Variants in CEP128 observed in about 807,000 individuals in gnomAD.
CEP128 encodes centrosomal protein 128kDa.
CEP128 carries 132 observed loss-of-function variants against 156.7 expected under a neutral mutation model. The observed-to-expected ratio is 0.84, with a 90% CI of 0.73 to 0.97. CEP128 has a LOEUF of 0.97. Ranked by LOEUF, CEP128 falls within the 50% of genes least tolerant of loss-of-function variation. The probability of loss-of-function intolerance (pLI) is 0.00; values close to 1 mark genes in which losing one functional copy is unlikely to be tolerated. For synonymous variants in CEP128, 469 were observed against 448.9 expected, an observed-to-expected ratio of 1.04 and a Z score of -0.57; for missense variants, 1,252 against 1,281.9, an observed-to-expected ratio of 0.98 and a Z score of 0.36.
intron 19 of CEP128, among the ~76,000 whole-genome samples, chr14:80,729,587 A>C (rs75024443): frequency 0.014 from 2,143 of 152,246 alleles, 58 homozygotes; most frequent in African/African-American, 0.049. Context: ...ATCTACTTCT[A>C]GTTCTTTAGG....
At chr14:80,781,371 T>C (rs327460) in intron 15 of CEP128, among the ~76,000 whole-genome samples, 89,208 of 150,640 alleles carry the variant, frequency 0.59, 26,752 homozygotes, top group East Asian at 0.79. Context: ...GCAGGAGAAT[T>C]GCTTGAACCC....
At chr14:80,773,182 C>A (rs772454092) in intron 16 of CEP128, among the ~76,000 whole-genome samples, 9 of 152,114 alleles carry the variant, frequency 5.9e-5, no homozygotes, top group African/African-American at 9.7e-5. Context: ...TTCTCAGATT[C>A]TTGTATATAT....
intron 19 of CEP128, among the ~76,000 whole-genome samples, chr14:80,728,522 A>AG (rs1297540824): frequency 6.6e-6 from 1 of 151,792 alleles, no homozygotes; most frequent in Non-Finnish European, 1.5e-5. Flanking sequence ...AAGTTGAAAA[A>AG]GAAAAAAAAA....
intron 13 of CEP128, among the ~76,000 whole-genome samples, chr14:80,823,483 C>T (rs989174724): frequency 6.6e-6 from 1 of 152,146 alleles, no homozygotes; most frequent in African/African-American, 2.4e-5. Context: ...TTTGGCAGTC[C>T]ACTGAAGAAG....
chr14:80,893,617 A>T (rs548732403), intron 8 of CEP128, among the ~76,000 whole-genome samples: 1 of 152,106 alleles, frequency 6.6e-6, no homozygotes, highest in African/African-American at 2.4e-5. Flanking sequence ...GCATAGCTTA[A>T]ATGCACAAAA....
chr14:80,888,257 G>A (rs1888908800), intron 8 of CEP128, among the ~76,000 whole-genome samples: 2 of 152,042 alleles, frequency 1.3e-5, no homozygotes, highest in South Asian at 4.1e-4. Flanking sequence ...GAAAAAAGGG[G>A]GACTCCTTCC....
intron 13 of CEP128, among the ~76,000 whole-genome samples, chr14:80,822,959 T>C (rs2140005951): frequency 6.6e-6 from 1 of 152,290 alleles, no homozygotes; most frequent in Admixed American, 6.5e-5. Flanking sequence ...GGGGCATACG[T>C]CACTAACAGA....
intron 19 of CEP128, among the ~76,000 whole-genome samples, chr14:80,594,267 A>G (rs1421005254): frequency 6.6e-6 from 1 of 152,226 alleles, no homozygotes; most frequent in African/African-American, 2.4e-5. Context: ...CTGGCTAGCC[A>G]TATGCAGAAA....
At chr14:80,633,264 C>A (rs1036110703) in intron 19 of CEP128, among the ~76,000 whole-genome samples, 1 of 152,012 alleles carries the variant, frequency 6.6e-6, no homozygotes, top group African/African-American at 2.4e-5. Context: ...CAAAACAAAA[C>A]AAACTAGCTT....
chr14:80,546,108 GT>G (rs915994228), intron 21 of CEP128, among the ~76,000 whole-genome samples: 3 of 152,212 alleles, frequency 2.0e-5, no homozygotes, highest in Admixed American at 6.5e-5. Flanking sequence ...GAATGCAAAT[GT>G]CCTGATTAAT....
chr14:80,892,927 A>G (rs1285751819), intron 8 of CEP128, among the ~76,000 whole-genome samples: 1 of 151,948 alleles, frequency 6.6e-6, no homozygotes, highest in African/African-American at 2.4e-5. Flanking sequence ...ATACAGAAAG[A>G]GTAATTAAAA....
At chr14:80,685,593 T>C (rs920230920) in intron 19 of CEP128, among the ~76,000 whole-genome samples, 4 of 151,660 alleles carry the variant, frequency 2.6e-5, no homozygotes, top group African/African-American at 9.7e-5. Context: ...ACTAAAAAAA[T>C]TAAATATAAA....
In CEP128 at chr14:80,784,972, C is replaced by T. The variant is rs778415802; in HGVS notation, c.2134G>A (p.Glu712Lys). The stretch of plus-strand genomic sequence containing the variant: ...TTCATAAGCTCCTGGATATTCTGTT[C>T]GTGTTTTGTTTTCACACTCTGCAAT... ...SSLQSVKTKH[E>K]QNIQELMKHF... The change falls in exon 15 of 25, where the codon GAA (glutamate) becomes AAA (lysine). Residue 712 changes from glutamate to lysine, a missense_variant. Transcript: ENST00000555265. The T allele has an allele frequency of 1.9e-6, 3 of 1,614,068 alleles. No individual in the cohort carries two copies. Among genetic ancestry groups the T allele is most frequent in the Admixed American group, 1.7e-5 (1 of 60,022 alleles).
intron 19 of CEP128, among the ~76,000 whole-genome samples, chr14:80,617,886 C>T (rs897253923): frequency 1.3e-5 from 2 of 152,226 alleles, no homozygotes; most frequent in Admixed American, 1.3e-4. Context: ...AAACTATAAG[C>T]TCTATCGGGC....
chr14:80,689,099 C>T (rs1896624223), intron 19 of CEP128, among the ~76,000 whole-genome samples: 1 of 151,892 alleles, frequency 6.6e-6, no homozygotes, highest in African/African-American at 2.4e-5. Flanking sequence ...GCAGTGGCAC[C>T]CAGCACTTTG....
At chr14:80,636,701 T>C (rs1894194883) in intron 19 of CEP128, among the ~76,000 whole-genome samples, 1 of 152,194 alleles carries the variant, frequency 6.6e-6, no homozygotes, top group Non-Finnish European at 1.5e-5. Context: ...TAATATTATA[T>C]TCTTCCTGGG....
intron 19 of CEP128, among the ~76,000 whole-genome samples, chr14:80,602,121 G>T (rs189553420): frequency 2.0e-5 from 3 of 151,880 alleles, no homozygotes; most frequent in Admixed American, 2.0e-4. Context: ...ATAATAAAAG[G>T]GTCAATCAAT....
At chr14:80,818,479 A>G (rs1884989989) in intron 13 of CEP128, among the ~76,000 whole-genome samples, 1 of 152,286 alleles carries the variant, frequency 6.6e-6, no homozygotes, top group African/African-American at 2.4e-5. Flanking sequence ...CTACGCAATC[A>G]TATTTCAACA....
At chr14:80,900,989 G>A (rs1566703616) in intron 6 of CEP128, among the ~76,000 whole-genome samples, 1 of 151,810 alleles carries the variant, frequency 6.6e-6, no homozygotes, top group African/African-American at 2.4e-5. Context: ...GGCGGATCAC[G>A]AGGTCAGGAG....
Sources: gnomAD v4.1 joint callset for allele counts (sites outside exome capture counted in the v4.1 genomes callset) on GRCh38, gnomAD v4.1.1 for gene constraint, MANE v1.5 for transcripts, NCBI Gene and HGNC (gene_info 2026-07-23, HGNC 2026-07-21) for gene names.